UBE2O: variants seen among roughly 807,000 people sequenced by gnomAD.
UBE2O encodes the protein (E3-independent) E2 ubiquitin-conjugating enzyme.
A neutral mutation model predicts 125.8 loss-of-function variants in UBE2O; 15 were observed. The observed-to-expected ratio is 0.12, with a 90% CI of 0.08 to 0.18. UBE2O has a LOEUF of 0.18. UBE2O is among the 10% of genes least tolerant of loss of function. The pLI, the probability that UBE2O is intolerant of heterozygous loss-of-function variation, is 1.00. For missense variants in UBE2O, 1,280 were observed against 1,723.6 expected (o/e 0.74, Z 4.56); for synonymous variants, 708 against 703.2 (o/e 1.01, Z -0.11).
chr17:76,413,831 C>T (rs916258926), intron 1 of UBE2O, among the ~76,000 whole-genome samples: 10 of 152,228 alleles, frequency 6.6e-5, no homozygotes, highest in Non-Finnish European at 8.8e-5. Context: ...GGAACTTTAA[C>T]TTTCTGACCT....
chr17:76,395,200 G>A lies in UBE2O; in HGVS notation c.2946+525C>T, dbSNP rs2072183299. 6.7e-6 allele frequency among the ~76,000 whole-genome samples: 1 copy of A among 149,840 alleles called. No homozygotes were observed. Among genetic ancestry groups the A allele is most frequent in the South Asian group, 2.1e-4 (1 of 4,744 alleles). ...CTATTTCAAAGTAATTTTTTTTTTT[G>A]AGACAGAATCTCGCTCTGTCACCCA... On this transcript the variant is annotated intron_variant, in intron 15 of 17. Coordinates refer to ENST00000319380, the MANE Select transcript of UBE2O (RefSeq NM_022066.4). This position sits in a 1 kb window ranked among gnomAD's most constrained non-coding sequence, Gnocchi z 5.0.
rs566847398 is a variant in UBE2O at position 76,424,877 on chromosome 17, T to A, written c.418-19305A>T. Among the ~76,000 whole-genome samples the A allele has an allele frequency of 3.0e-4, 46 of 150,946 alleles. 1 individual carries two copies. Among genetic ancestry groups the A allele is most frequent in the South Asian group, 8.4e-4 (4 of 4,758 alleles). ...TTTTTTTTTTTATTTTTTATTTTTT[T>A]TTTTTGAGACAGAGTCTCGCCCTCA... On this transcript the variant is annotated intron_variant, in intron 1 of 17. Transcript: ENST00000319380.
chr17:76,405,580 A>G lies in UBE2O; in HGVS notation c.418-8T>C, dbSNP rs769018529. 1.1e-5 allele frequency: 18 copies of G among 1,585,924 alleles called. 2 individuals are homozygous for G. The South Asian group carries it at 2.1e-4, about 18-fold the overall frequency. On this transcript the variant is annotated splice_polypyrimidine_tract_variant and splice_region_variant and intron_variant, in intron 1 of 17. Coordinates refer to ENST00000319380, the MANE Select transcript of UBE2O (RefSeq NM_022066.4). The surrounding 1 kb of genome is among the most constrained non-coding windows in gnomAD (Gnocchi z 6.1). Reference sequence around the variant, plus strand: ...ACGGTCCTCTAGTTTCAGCTGTAAAAGAAAATACAGGTGTGAGAGAATGGA... The same window carrying G: ...ACGGTCCTCTAGTTTCAGCTGTAAAGGAAAATACAGGTGTGAGAGAATGGA...
At position 76,395,135 on chromosome 17, in the gene UBE2O, C is replaced by T. The variant is rs571455555; in HGVS notation, c.2946+590G>A. Reference sequence around the variant, plus strand: ...AGGTGATCCACCTGCCTCGGCTTCCCGAAGTGCTGGGATTACAGTCGTGAG... The same window carrying T: ...AGGTGATCCACCTGCCTCGGCTTCCTGAAGTGCTGGGATTACAGTCGTGAG... On this transcript the variant is annotated intron_variant, in intron 15 of 17. Coordinates refer to ENST00000319380, the MANE Select transcript of UBE2O (RefSeq NM_022066.4). The surrounding 1 kb of genome is among the most constrained non-coding windows in gnomAD (Gnocchi z 5.0). Among the ~76,000 whole-genome samples, 43 of 152,102 alleles carry T rather than the reference C, an allele frequency of 2.8e-4. No homozygotes were observed. The highest frequency in any genetic ancestry group is 4.9e-4 in the Non-Finnish European group (33 of 68,010).
At chr17:76,417,697 C>G (rs767422684) in intron 1 of UBE2O, among the ~76,000 whole-genome samples, 1 of 135,294 alleles carries the variant, frequency 7.4e-6, no homozygotes, top group South Asian at 2.3e-4. Context: ...GAAGGGCCTT[C>G]GACTACAGGA....
Position 76,399,390 on chromosome 17 carries a change from G to T in UBE2O, c.1628+59C>A. 1 of 1,519,556 alleles carries T rather than the reference G, an allele frequency of 6.6e-7. No individual in the cohort carries two copies. Among genetic ancestry groups the T allele is most frequent in the Non-Finnish European group, 9.1e-7 (1 of 1,104,910 alleles). The allele number at this position is 1,519,556 out of a possible 1,614,324, so 94.1% of individuals were successfully genotyped here. A position where few individuals can be genotyped will look rare whatever the true frequency, so the allele number is the denominator to read the frequency against. ...GCGCAGGCACGCACACCGAGGGGAC[G>T]CGCACTCTGCCTGGCTTCACGCTGA... On this transcript the variant is annotated intron_variant, in intron 9 of 17. Transcript: ENST00000319380. This position sits in a 1 kb window ranked among gnomAD's most constrained non-coding sequence, Gnocchi z 6.9.
Position 76,399,329 on chromosome 17 carries a change from G to A in UBE2O, c.1628+120C>T, listed in dbSNP as rs1036061959. 1.6e-5 allele frequency: 16 copies of A among 1,019,668 alleles called. No individual in the cohort carries two copies. The highest frequency in any genetic ancestry group is 4.8e-5 in the Admixed American group (2 of 41,366). The allele number at this position is 1,019,668 out of a possible 1,614,324, so 63.2% of individuals were successfully genotyped here. The stretch of plus-strand genomic sequence containing the variant: ...CTACGTTGTCTCGGGTGGGAGCCCC[G>A]GAGCCACTACAAGGCATGCAGAGGT... On this transcript the variant is annotated intron_variant, in intron 9 of 17. Coordinates refer to ENST00000319380, the MANE Select transcript of UBE2O (RefSeq NM_022066.4). This position sits in a 1 kb window ranked among gnomAD's most constrained non-coding sequence, Gnocchi z 6.9.
At chr17:76,397,209 T>C (rs1472080264) in intron 13 of UBE2O, among the ~76,000 whole-genome samples, 1 of 152,134 alleles carries the variant, frequency 6.6e-6, no homozygotes, top group African/African-American at 2.4e-5. Flanking sequence ...TGGGAACATA[T>C]GACAAGAGGG....
chr17:76,444,286 C>T (rs907766354), intron 1 of UBE2O, among the ~76,000 whole-genome samples: 1 of 151,690 alleles, frequency 6.6e-6, no homozygotes, highest in South Asian at 2.1e-4. Context: ...CCGTGGCTCA[C>T]GTCTGTAATC....
intron 1 of UBE2O, among the ~76,000 whole-genome samples, chr17:76,436,556 C>T (rs963687820): frequency 3.9e-5 from 6 of 152,114 alleles, no homozygotes; most frequent in African/African-American, 1.2e-4. Context: ...CCTGAATCCC[C>T]GAGAGCCTAG....
At chr17:76,445,571 A>G (rs1032257829) in intron 1 of UBE2O, among the ~76,000 whole-genome samples, 1 of 152,210 alleles carries the variant, frequency 6.6e-6, no homozygotes, top group Non-Finnish European at 1.5e-5. Context: ...AGGAGAACAC[A>G]GCCTACCTGT....
At position 76,401,221 on chromosome 17, in the gene UBE2O, C is replaced by T. The variant is rs1353082356; in HGVS notation, c.751-67G>A. ...TCTCCATGGGTGACCATGCTCTCCA[C>T]GCCTGTGCCCGCTGGCTGCCCACCT... On this transcript the variant is annotated intron_variant, in intron 5 of 17. Transcript: ENST00000319380. 12 of 1,561,802 alleles carry T rather than the reference C, an allele frequency of 7.7e-6. No individual in the cohort carries two copies. The African/African-American group carries it at 9.5e-5, about 12-fold the overall frequency.
In UBE2O at chr17:76,404,733, C is replaced by T. The variant is rs1010278647; in HGVS notation, c.588+473G>A. Among the ~76,000 whole-genome samples, 1 of 151,674 alleles carries T rather than the reference C, an allele frequency of 6.6e-6. No individual in the cohort carries two copies. The highest frequency in any genetic ancestry group is 1.5e-5 in the Non-Finnish European group (1 of 67,958). On this transcript the variant is annotated intron_variant, in intron 3 of 17. Transcript: ENST00000319380. The surrounding 1 kb of genome is among the most constrained non-coding windows in gnomAD (Gnocchi z 4.3). ...GGGTGACAGGGCATCACATCTATAG[C>T]TTGCTGTCAAATGTTTTGGGAAGAA...
intron 1 of UBE2O, among the ~76,000 whole-genome samples, chr17:76,443,351 C>T (rs577380856): frequency 2.0e-5 from 3 of 152,130 alleles, no homozygotes; most frequent in African/African-American, 4.8e-5. Context: ...TGCCGGGGCA[C>T]GATCTCGGCT....
intron 1 of UBE2O, among the ~76,000 whole-genome samples, chr17:76,436,015 G>A (rs1418287791): frequency 6.6e-6 from 1 of 152,246 alleles, no homozygotes; most frequent in African/African-American, 2.4e-5. Context: ...GGGAGGCTGA[G>A]ACGGGCGGAT....
At chr17:76,401,551 G>A (rs1344551099) in intron 5 of UBE2O, among the ~76,000 whole-genome samples, 4 of 152,056 alleles carry the variant, frequency 2.6e-5, no homozygotes, top group African/African-American at 9.6e-5. Flanking sequence ...AACCTTAAAG[G>A]ATGAGAAAAA....
At chr17:76,439,920 C>A (rs892208523) in intron 1 of UBE2O, among the ~76,000 whole-genome samples, 1 of 152,206 alleles carries the variant, frequency 6.6e-6, no homozygotes, top group Admixed American at 6.5e-5. Context: ...ATCAGTCATT[C>A]ACCCACTAAT....
At chr17:76,397,996 G>A in intron 12 of UBE2O, 108 bp from the exon 13 acceptor site, 1 of 1,237,878 alleles carries the variant, frequency 8.1e-7, no homozygotes, top group Non-Finnish European at 1.2e-6. Context: ...CTTGTGACAA[G>A]GAACTTAGCT....
In UBE2O at chr17:76,400,986, C is replaced by T. The variant is rs1481900461; in HGVS notation, c.894+25G>A. The T allele has an allele frequency of 1.2e-6, 2 of 1,612,588 alleles. No individual in the cohort carries two copies. The highest frequency in any genetic ancestry group is 2.2e-5 in the South Asian group (2 of 91,022). On this transcript the variant is annotated intron_variant, in intron 6 of 17. Coordinates refer to ENST00000319380, the MANE Select transcript of UBE2O (RefSeq NM_022066.4). This position sits in a 1 kb window ranked among gnomAD's most constrained non-coding sequence, Gnocchi z 4.3. Reference sequence around the variant, plus strand: ...AGGGTGTGGAGGTCAAGGACTCCATCTCCTACCCTTGGGCCCGGACCCACC... The same window carrying T: ...AGGGTGTGGAGGTCAAGGACTCCATTTCCTACCCTTGGGCCCGGACCCACC...
Sources: gnomAD v4.1 joint callset for allele counts (sites outside exome capture counted in the v4.1 genomes callset) on GRCh38, gnomAD v4.1.1 for gene constraint, Gnocchi (gnomAD v3.1) non-coding constraint, MANE v1.5 for transcripts, NCBI Gene and HGNC (gene_info 2026-07-23, HGNC 2026-07-21) for gene names.